Variants in PPP2R2A observed in about 807,000 individuals in gnomAD.
The protein encoded by PPP2R2A is protein phosphatase 2 regulatory subunit Balpha, also known as serine/threonine-protein phosphatase 2A 55 kDa regulatory subunit B alpha isoform.
In PPP2R2A, 9 loss-of-function variants were observed where a neutral mutation model predicts 53.2. That is an observed-to-expected ratio of 0.17 (90% CI 0.10 to 0.30). The LOEUF (loss-of-function observed/expected upper bound fraction) is 0.30. Among genes scored for constraint, PPP2R2A ranks in the 10% least tolerant of loss-of-function variants. The pLI, the probability that PPP2R2A is intolerant of heterozygous loss-of-function variation, is 1.00. For missense variants in PPP2R2A, 235 were observed against 534.6 expected (o/e 0.44, Z 5.53); for synonymous variants, 169 against 174.2 (o/e 0.97, Z 0.23).
intron 1 of PPP2R2A, chr8:26,292,320 T>C (rs1239717609): frequency 1.0e-6 from 1 of 987,722 alleles, no homozygotes; most frequent in Non-Finnish European, 1.2e-6. Flanking sequence ...TGGGGGCATA[T>C]GTGTATTTTT....
intron 2 of PPP2R2A, among the ~76,000 whole-genome samples, chr8:26,311,997 G>T (rs937977007): frequency 6.6e-6 from 1 of 151,730 alleles, no homozygotes; most frequent in Non-Finnish European, 1.5e-5. Flanking sequence ...TTGCTACCTA[G>T]GGCAACGTTG....
At chr8:26,291,883 C>T in intron 1 of PPP2R2A, 57 bp downstream of exon 1, 3 of 1,601,446 alleles carry the variant, frequency 1.9e-6, no homozygotes, top group Non-Finnish European at 8.5e-7. Flanking sequence ...ATTCCTCCCT[C>T]CATCACCCCC....
chr8:26,295,756 C>T (rs1801515079), intron 2 of PPP2R2A, among the ~76,000 whole-genome samples: 1 of 152,090 alleles, frequency 6.6e-6, no homozygotes, highest in Non-Finnish European at 1.5e-5. Flanking sequence ...TATTGCTGTA[C>T]AAATGTATTA....
intron 2 of PPP2R2A, among the ~76,000 whole-genome samples, chr8:26,306,214 A>ATC (rs1164979896): frequency 6.6e-6 from 1 of 151,294 alleles, no homozygotes; most frequent in African/African-American, 2.4e-5. Context: ...GGTGACTCAC[A>ATC]TCTGTAATCC....
chr8:26,360,121 GTT>G lies in PPP2R2A; in HGVS notation c.347-44_347-43del. ...TAGCATATTTTAAATGCCTTAAAAT[GTT>G]TTTCTTCTTCAGTATTTTAAGGACT... On this transcript the variant is annotated intron_variant, in intron 4 of 9. Transcript: ENST00000380737. This position sits in a 1 kb window ranked among gnomAD's most constrained non-coding sequence, Gnocchi z 4.5. The G allele has an allele frequency of 2.0e-6, 2 of 1,003,750 alleles. No individual in the cohort carries two copies. The highest frequency in any genetic ancestry group is 3.0e-6 in the Non-Finnish European group (2 of 670,436). 62.2% of individuals were successfully genotyped at this position (1,003,750 alleles called of 1,614,324 possible). A position where few individuals can be genotyped will look rare whatever the true frequency, so the allele number is the denominator to read the frequency against.
Position 26,296,812 on chromosome 8 carries a change from G to A in PPP2R2A, c.82+3072G>A, listed in dbSNP as rs188837326. ...ATTGAGATGTAGTTCTAGCAGTCAT[G>A]GATTTATTTACTTGGTAGGCTTTTT... On this transcript the variant is annotated intron_variant, in intron 2 of 9. Coordinates refer to ENST00000380737, the MANE Select transcript of PPP2R2A (RefSeq NM_002717.4). 2.6e-5 allele frequency among the ~76,000 whole-genome samples: 4 copies of A among 152,288 alleles called. No individual in the cohort carries two copies. In the East Asian group the frequency reaches 5.8e-4, roughly 22 times the overall value.
intron 2 of PPP2R2A, among the ~76,000 whole-genome samples, chr8:26,322,232 G>T (rs1269741650): frequency 1.3e-5 from 2 of 152,102 alleles, no homozygotes; most frequent in East Asian, 3.9e-4. Context: ...GTAGCAGCAG[G>T]GTTTTAGAAA....
chr8:26,356,919 T>C (rs567146682), intron 4 of PPP2R2A, among the ~76,000 whole-genome samples: 24 of 152,350 alleles, frequency 1.6e-4, no homozygotes, highest in East Asian at 1.5e-3. Context: ...CAAATCCGAT[T>C]ACAACGTCTA....
At chr8:26,293,216 A>G (rs530735070) in intron 1 of PPP2R2A, 4 of 1,534,988 alleles carry the variant, frequency 2.6e-6, no homozygotes, top group Non-Finnish European at 3.5e-6. Context: ...GATAAGGTTC[A>G]TATGAATCAT....
chr8:26,329,019 G>T (rs770777754), intron 2 of PPP2R2A, among the ~76,000 whole-genome samples: 1 of 152,018 alleles, frequency 6.6e-6, no homozygotes, highest in African/African-American at 2.4e-5. Context: ...TTTGTGAATT[G>T]GTTAGTTTAT....
At chr8:26,367,138 G>T (rs1449755585) in intron 9 of PPP2R2A, among the ~76,000 whole-genome samples, 1 of 152,148 alleles carries the variant, frequency 6.6e-6, no homozygotes, top group East Asian at 1.9e-4. Flanking sequence ...TCATGGTGTT[G>T]TGTGTTACAG....
intron 2 of PPP2R2A, among the ~76,000 whole-genome samples, chr8:26,313,060 A>G (rs1356513064): frequency 1.7e-4 from 23 of 133,366 alleles, no homozygotes; most frequent in African/African-American, 4.5e-4. Flanking sequence ...TTTTTTTGAG[A>G]TGAAATCTTG....
At chr8:26,357,669 A>G (rs919859780) in intron 4 of PPP2R2A, among the ~76,000 whole-genome samples, 4 of 152,210 alleles carry the variant, frequency 2.6e-5, no homozygotes, top group African/African-American at 7.2e-5. Context: ...CAACTTCTTG[A>G]TAAGTTTTTT....
chr8:26,339,027 C>G, intron 3 of PPP2R2A, 40 bp downstream of exon 3: 1 of 1,438,926 alleles, frequency 6.9e-7, no homozygotes, highest in Non-Finnish European at 9.8e-7. Context: ...TCAGTTTGAT[C>G]TTAGGACTAG....
intron 3 of PPP2R2A, among the ~76,000 whole-genome samples, chr8:26,346,805 C>G (rs541156311): frequency 2.0e-5 from 3 of 152,234 alleles, no homozygotes; most frequent in African/African-American, 7.2e-5. Context: ...GTCAATTTAT[C>G]AGGGGTATGG....
At chr8:26,304,075 C>G (rs1249330627) in intron 2 of PPP2R2A, among the ~76,000 whole-genome samples, 1 of 152,164 alleles carries the variant, frequency 6.6e-6, no homozygotes, top group Admixed American at 6.5e-5. Context: ...TTGAGTTATG[C>G]CTGTGTTTAC....
intron 2 of PPP2R2A, among the ~76,000 whole-genome samples, chr8:26,328,928 T>C (rs1803228998): frequency 6.6e-6 from 1 of 152,224 alleles, no homozygotes; most frequent in African/African-American, 2.4e-5. Flanking sequence ...TAAACACATC[T>C]GATACATAAT....
At chr8:26,331,081 T>C (rs1448466227) in intron 2 of PPP2R2A, among the ~76,000 whole-genome samples, 1 of 152,148 alleles carries the variant, frequency 6.6e-6, no homozygotes, top group African/African-American at 2.4e-5. Flanking sequence ...CAGCCAAAGA[T>C]TCTAAGTGAG....
At chr8:26,353,353 C>G (rs1352607527) in intron 3 of PPP2R2A, among the ~76,000 whole-genome samples, 3 of 152,134 alleles carry the variant, frequency 2.0e-5, no homozygotes, top group Non-Finnish European at 4.4e-5. Flanking sequence ...AATGAACAAC[C>G]CAGATCATCA....
Sources: allele counts gnomAD v4.1 joint callset (sites outside exome capture counted in the v4.1 genomes callset), GRCh38; gene constraint gnomAD v4.1.1; non-coding constraint Gnocchi (gnomAD v3.1); transcripts MANE v1.5; gene names NCBI Gene and HGNC (gene_info 2026-07-23, HGNC 2026-07-21).